The following DHTKD1 variants were observed in gnomAD, a reference collection of about 807,000 sequenced individuals.
DHTKD1 encodes 2-oxoadipate dehydrogenase complex component E1.
Under a neutral mutation model 101.8 loss-of-function variants are expected in DHTKD1, and 78 were observed. That is an observed-to-expected ratio of 0.77 (90% CI 0.64 to 0.93). The LOEUF (loss-of-function observed/expected upper bound fraction) is 0.93. Among genes scored for constraint, DHTKD1 ranks in the 40% least tolerant of loss-of-function variants. The pLI, the probability that DHTKD1 is intolerant of heterozygous loss-of-function variation, is 0.00. For missense variants in DHTKD1, 1,223 were observed against 1,161.7 expected, an observed-to-expected ratio of 1.05 and a Z score of -0.77; for synonymous variants, 462 against 450.3, an observed-to-expected ratio of 1.03 and a Z score of -0.33.
rs3740016 is a variant in DHTKD1 at position 12,089,219 on chromosome 10, C to T, written c.951C>T (p.Asn317=). The T allele has an allele frequency of 0.11, 174,534 of 1,613,982 alleles. 10,387 individuals are homozygous for T. Among genetic ancestry groups the T allele is most frequent in the Non-Finnish European group, 0.12 (144,241 of 1,179,890 alleles). ...SRQDGDYSPD[N]SAQPGDRVIC... ...AAGACGGCGATTACTCTCCAGACAA[C>T]TCAGCCCAGCCGGGGGACAGGGTCA... Residue 317 remains asparagine, a synonymous_variant, in exon 5 of 17, where the codon AAC becomes AAT. Coordinates refer to ENST00000263035, the MANE Select transcript of DHTKD1 (RefSeq NM_018706.7).
At position 12,097,666 on chromosome 10, in the gene DHTKD1, C is replaced by T. The variant is rs1246193945; in HGVS notation, c.1359-18C>T. 3.2e-6 allele frequency: 5 copies of T among 1,585,992 alleles called. No homozygotes were observed. In the Admixed American group the frequency reaches 7.1e-5, roughly 23 times the overall value. Reference sequence around the variant, plus strand: ...TTACAGGTCAGACTGATTTTTGTTTCTTCTCTTTCTTGGGCAGAGCTCGAA... The same window carrying T: ...TTACAGGTCAGACTGATTTTTGTTTTTTCTCTTTCTTGGGCAGAGCTCGAA... On this transcript the variant is annotated intron_variant, in intron 7 of 16. Coordinates refer to ENST00000263035, the MANE Select transcript of DHTKD1 (RefSeq NM_018706.7).
chr10:12,073,829 G>A (rs1832685426), intron 1 of DHTKD1, among the ~76,000 whole-genome samples: 1 of 152,128 alleles, frequency 6.6e-6, no homozygotes, highest in South Asian at 2.1e-4. Flanking sequence ...CTAAGTTTGA[G>A]GGCTCTGAAA....
At position 12,081,969 on chromosome 10, in the gene DHTKD1, A is replaced by T. The variant is rs1371711984; in HGVS notation, c.310+342A>T. On this transcript the variant is annotated intron_variant, in intron 2 of 16. Coordinates refer to ENST00000263035, the MANE Select transcript of DHTKD1 (RefSeq NM_018706.7). ...AGTGAGACTGTCTCTACAAAAAAAA[A>T]AAAAAAAAATAACTGGGCATGGTGG... Among the ~76,000 whole-genome samples the T allele has an allele frequency of 2.0e-5, 3 of 151,774 alleles. No individual in the cohort carries two copies. In the East Asian group the frequency reaches 5.8e-4, roughly 29 times the overall value.
At position 12,097,813 on chromosome 10, in the gene DHTKD1, C is replaced by T; in HGVS notation, c.1488C>T (p.Ala496=). ...AKLNDHLNNM[A]HYRPPALNLQ... is the part of the protein sequence containing the mutation. ...TGAATGATCACTTAAATAACATGGCCCACTACAGGCCCCCTGCCCTGAACC... is the reference window on the plus strand; with the variant it reads ...TGAATGATCACTTAAATAACATGGCTCACTACAGGCCCCCTGCCCTGAACC... Residue 496 remains alanine (A), a synonymous_variant, in exon 8 of 17, where the codon GCC becomes GCT. Coordinates refer to ENST00000263035, the MANE Select transcript of DHTKD1 (RefSeq NM_018706.7). 1.2e-6 allele frequency: 2 copies of T among 1,614,216 alleles called. No homozygotes were observed. Among genetic ancestry groups the T allele is most frequent in the East Asian group, 4.5e-5 (2 of 44,896 alleles).
At position 12,081,634 on chromosome 10, in the gene DHTKD1, C is replaced by G; in HGVS notation, c.310+7C>G. The stretch of plus-strand genomic sequence containing the variant: ...GGACCCTTCCACACGGCAGGTATGG[C>G]TTCTGCACAGCAGGCGGGAGCTCGG... On this transcript the variant is annotated splice_region_variant and intron_variant, in intron 2 of 16. Transcript: ENST00000263035. The G allele has an allele frequency of 6.2e-7, 1 of 1,614,048 alleles. No homozygotes were observed. Among genetic ancestry groups the G allele is most frequent in the Non-Finnish European group, 8.5e-7 (1 of 1,179,972 alleles).
At chr10:12,113,180 CT>C in intron 13 of DHTKD1, 116 bp downstream of exon 13, 3 of 984,518 alleles carry the variant, frequency 3.0e-6, no homozygotes, top group Non-Finnish European at 2.9e-6. Flanking sequence ...TTAGTTTCAA[CT>C]GACTTTGCTA....
At position 12,097,991 on chromosome 10, in the gene DHTKD1, G is replaced by A. The variant is rs2131365515; in HGVS notation, c.1666G>A (p.Val556Ile). The A allele has an allele frequency of 6.3e-7, 1 of 1,599,342 alleles. No homozygotes were observed. Among genetic ancestry groups the A allele is most frequent in the South Asian group, 1.1e-5 (1 of 90,012 alleles). Residue 556 changes from valine to isoleucine, a missense_variant, in exon 8 of 17, where the codon GTT (valine) becomes ATT (isoleucine). Physicochemically the swap from Val to Ile is conservative, Grantham distance 29. Transcript: ENST00000263035. Reference protein sequence around the residue: ...QMHSHLLKTHVQSRMEKMMDG... With the variant: ...QMHSHLLKTHIQSRMEKMMDG... ...GCACAGTCACCTGCTGAAGACACAT[G>A]TTCAGGTGGGCAGCCTCCAAATGGC...
chr10:12,093,481 C>T (rs943793141), intron 6 of DHTKD1, among the ~76,000 whole-genome samples: 4 of 152,180 alleles, frequency 2.6e-5, no homozygotes, highest in African/African-American at 9.6e-5. Context: ...CTGTGCCAGG[C>T]TGAAATTGGT....
At position 12,084,726 on chromosome 10, in the gene DHTKD1, T is replaced by C. The variant is rs757387152; in HGVS notation, c.497T>C (p.Leu166Pro). 5 of 1,613,968 alleles carry C rather than the reference T, an allele frequency of 3.1e-6. No individual in the cohort carries two copies. Among genetic ancestry groups the C allele is most frequent in the Non-Finnish European group, 4.2e-6 (5 of 1,180,014 alleles). ...TTTACCACAGAAGAGCGAAAACATC[T>C]GTCGAAACTAATGCTGGAATCTCAG... ...ETFTTEERKH[L>P]SKLMLESQEF... The change falls in exon 3 of 17, where the codon CTG becomes CCG. Residue 166 changes from leucine to proline, a missense_variant. Transcript: ENST00000263035.
At chr10:12,079,554 G>C (rs894017440) in intron 1 of DHTKD1, among the ~76,000 whole-genome samples, 3 of 152,108 alleles carry the variant, frequency 2.0e-5, no homozygotes, top group African/African-American at 7.2e-5. Context: ...TGTAGTCCCA[G>C]CTACTCAGGA....
At chr10:12,111,483 G>A (rs555414880) in intron 12 of DHTKD1, among the ~76,000 whole-genome samples, 3 of 152,138 alleles carry the variant, frequency 2.0e-5, no homozygotes, top group African/African-American at 7.2e-5. Context: ...TGTGTTAAAG[G>A]TAGGAAATAA....
intron 1 of DHTKD1, among the ~76,000 whole-genome samples, chr10:12,072,473 A>C (rs934476037): frequency 2.3e-5 from 1 of 43,522 alleles, no homozygotes; most frequent in Non-Finnish European, 7.1e-5. Flanking sequence ...ATAAATAAAT[A>C]AATAAATAAA....
intron 12 of DHTKD1, among the ~76,000 whole-genome samples, chr10:12,111,821 T>C (rs891228675): frequency 2.0e-5 from 3 of 151,878 alleles, no homozygotes; most frequent in African/African-American, 7.3e-5. Context: ...GTTAGGGAAA[T>C]AGAGTTTAAG....
At chr10:12,079,127 C>G (rs1832776851) in intron 1 of DHTKD1, among the ~76,000 whole-genome samples, 1 of 152,098 alleles carries the variant, frequency 6.6e-6, no homozygotes, top group African/African-American at 2.4e-5. Context: ...CTTGCTCTCT[C>G]ACCCAGGCTA....
intron 4 of DHTKD1, among the ~76,000 whole-genome samples, chr10:12,088,098 G>T (rs560583361): frequency 1.5e-4 from 23 of 151,912 alleles, no homozygotes; most frequent in Non-Finnish European, 3.1e-4. Flanking sequence ...GGGCAACAAA[G>T]CAAGATGCTG....
chr10:12,108,336 G>A (rs1257501830), intron 12 of DHTKD1, among the ~76,000 whole-genome samples: 6 of 152,072 alleles, frequency 3.9e-5, no homozygotes, highest in African/African-American at 1.4e-4. Context: ...CTGGAGTGCA[G>A]TGGTGCGATC....
At position 12,106,400 on chromosome 10, in the gene DHTKD1, G is replaced by A. The variant is rs1833247993; in HGVS notation, c.2047+4G>A. The stretch of plus-strand genomic sequence containing the variant: ...TTTGACACATTCATCTCTGGAGGTT[G>A]GTGTCAGCGTATAGGGTGGGTACAG... On this transcript the variant is annotated splice_donor_region_variant and intron_variant, in intron 11 of 16. Transcript: ENST00000263035. The A allele has an allele frequency of 6.2e-7, 1 of 1,614,172 alleles. No individual in the cohort carries two copies. The highest frequency in any genetic ancestry group is 1.1e-5 in the South Asian group (1 of 91,086).
intron 1 of DHTKD1, among the ~76,000 whole-genome samples, chr10:12,074,065 A>G (rs537664778): frequency 6.6e-6 from 1 of 152,302 alleles, no homozygotes; most frequent in East Asian, 1.9e-4. Context: ...GACCTTTTGC[A>G]GATATTATGA....
In DHTKD1 at chr10:12,068,997, T is replaced by A; in HGVS notation, c.-37T>A. On this transcript the variant is annotated 5_prime_UTR_variant, in exon 1 of 17. Transcript: ENST00000263035. ...CAGGGCCGGTGGGATCCCCTCGGGCTCCCGCCTTAGCATGCTGGCCGGGAC... is the reference window on the plus strand; with the variant it reads ...CAGGGCCGGTGGGATCCCCTCGGGCACCCGCCTTAGCATGCTGGCCGGGAC... The A allele has an allele frequency of 6.2e-7, 1 of 1,610,724 alleles. No individual in the cohort carries two copies. The highest frequency in any genetic ancestry group is 1.1e-5 in the South Asian group (1 of 90,772).
Sources: allele counts gnomAD v4.1 joint callset (sites outside exome capture counted in the v4.1 genomes callset), GRCh38; gene constraint gnomAD v4.1.1; transcripts MANE v1.5; gene names NCBI Gene and HGNC (gene_info 2026-07-23, HGNC 2026-07-21).